Variants in CLIC5 observed in about 807,000 individuals in gnomAD.
CLIC5 encodes CLIC family member 5.
Under a neutral mutation model 24.7 loss-of-function variants are expected in CLIC5, and 20 were observed. The observed-to-expected ratio is 0.81, with a 90% CI of 0.57 to 1.18. The LOEUF (loss-of-function observed/expected upper bound fraction) is 1.18. CLIC5 is among the 50% of genes most tolerant of loss of function. CLIC5 has a pLI of 0.00. For missense variants in CLIC5, 341 were observed against 326.1 expected (o/e 1.05, Z -0.35); for synonymous variants, 159 against 135.6 (o/e 1.17, Z -1.20).
chr6:46,084,634 G>A (rs1400826816), upstream of CLIC5, among the ~76,000 whole-genome samples: 99 of 152,150 alleles, frequency 6.5e-4, 1 homozygote, highest in Admixed American at 6.2e-3. Flanking sequence ...AGTTTCTGCC[G>A]AGAGATCCGC....
At chr6:45,969,657 GA>G (rs1765130615) in intron 1 of CLIC5, among the ~76,000 whole-genome samples, 1 of 152,098 alleles carries the variant, frequency 6.6e-6, no homozygotes, top group African/African-American at 2.4e-5. Context: ...GAATCCTTTG[GA>G]AAGTCATCTT....
downstream of CLIC5, among the ~76,000 whole-genome samples, chr6:45,898,194 TC>T (rs1762423787): frequency 6.6e-6 from 1 of 152,136 alleles, no homozygotes; most frequent in African/African-American, 2.4e-5. Context: ...TGCCTCAGCC[TC>T]CAAAGTAGCT....
upstream of CLIC5, among the ~76,000 whole-genome samples, chr6:46,083,728 G>C (rs1188576070): frequency 2.0e-5 from 3 of 152,046 alleles, no homozygotes; most frequent in Non-Finnish European, 4.4e-5. Context: ...GTGTGGTGTG[G>C]TGCTGAAAAA....
chr6:45,958,126 C>T (rs1363915443), intron 1 of CLIC5, among the ~76,000 whole-genome samples: 1 of 152,030 alleles, frequency 6.6e-6, no homozygotes, highest in African/African-American at 2.4e-5. Context: ...GGGCTCTAAA[C>T]ATGACTGATG....
chr6:45,943,733 A>G (rs1764205687), intron 3 of CLIC5, among the ~76,000 whole-genome samples: 1 of 152,176 alleles, frequency 6.6e-6, no homozygotes. Flanking sequence ...GGTTGGGCCA[A>G]ACAGGGATGT....
chr6:45,933,294 C>G (rs578136864), intron 4 of CLIC5, among the ~76,000 whole-genome samples: 1 of 152,290 alleles, frequency 6.6e-6, no homozygotes, highest in South Asian at 2.1e-4. Context: ...CACGTTTGAG[C>G]TTGGATTGGA....
At chr6:46,127,497 G>A in the CLIC5 span, among the ~76,000 whole-genome samples, 9 of 152,086 alleles carry the variant, frequency 5.9e-5, no homozygotes, top group African/African-American at 2.2e-4. Flanking sequence ...AAGCTGAGCT[G>A]AAAGAACATT....
chr6:45,941,452 G>C (rs1764126895), intron 4 of CLIC5, 95 bp downstream of exon 4: 2 of 949,552 alleles, frequency 2.1e-6, no homozygotes, highest in Non-Finnish European at 3.5e-6. Context: ...TGCTTCTCTG[G>C]CCCAAGTATT....
chr6:46,037,026 CT>C (rs1767682321), intron 1 of CLIC5, among the ~76,000 whole-genome samples: 1 of 151,684 alleles, frequency 6.6e-6, no homozygotes, highest in Non-Finnish European at 1.5e-5. Context: ...TTTTTTCATC[CT>C]TAGTTTAACA....
At chr6:46,079,682 C>A in intron 1 of CLIC5, 2 of 1,540,782 alleles carry the variant, frequency 1.3e-6, no homozygotes, top group Non-Finnish European at 1.8e-6. Flanking sequence ...ACAGGGTATG[C>A]CTGTCAGAGG....
chr6:46,044,985 T>C (rs1279662571), intron 1 of CLIC5, among the ~76,000 whole-genome samples: 1 of 152,188 alleles, frequency 6.6e-6, no homozygotes, highest in East Asian at 1.9e-4. Context: ...CAGAAGCGGC[T>C]GGCATCTAGC....
chr6:45,957,066 G>A (rs554696992), intron 1 of CLIC5, among the ~76,000 whole-genome samples: 1 of 152,120 alleles, frequency 6.6e-6, no homozygotes, highest in South Asian at 2.1e-4. Context: ...ATTTCCCCAG[G>A]GCCAGTTATG....
chr6:45,941,721 C>G, intron 3 of CLIC5, 68 bp from the exon 4 acceptor site: 1 of 1,176,926 alleles, frequency 8.5e-7, no homozygotes, highest in Non-Finnish European at 1.3e-6. Context: ...GAGCCTATCC[C>G]TATCATGATA....
chr6:45,929,996 G>A (rs1467490780), intron 4 of CLIC5, among the ~76,000 whole-genome samples: 10 of 152,194 alleles, frequency 6.6e-5, no homozygotes, highest in African/African-American at 1.4e-4. Context: ...GGGGCTGGGG[G>A]CTGGGAGGGA....
the CLIC5 span, among the ~76,000 whole-genome samples, chr6:46,108,011 G>A: frequency 1.1e-5 from 1 of 90,976 alleles, no homozygotes; most frequent in Non-Finnish European, 2.2e-5. Flanking sequence ...TCCAGCCAGG[G>A]CAACAAGAGC....
the CLIC5 span, among the ~76,000 whole-genome samples, chr6:46,124,079 C>T: frequency 6.6e-6 from 1 of 152,176 alleles, no homozygotes; most frequent in African/African-American, 2.4e-5. Context: ...TTGGAAAAAA[C>T]TACTTTAAAG....
upstream of CLIC5, among the ~76,000 whole-genome samples, chr6:46,080,897 G>T (rs912222814): frequency 6.6e-6 from 1 of 152,174 alleles, no homozygotes; most frequent in African/African-American, 2.4e-5. Context: ...CATCAGTATA[G>T]ACCACCCAAA....
chr6:46,040,374 G>C (rs1181029637), intron 1 of CLIC5, among the ~76,000 whole-genome samples: 2 of 152,156 alleles, frequency 1.3e-5, no homozygotes, highest in East Asian at 1.9e-4. Context: ...GAGGTGATGG[G>C]AATGATGGTG....
At chr6:46,046,917 A>G (rs1206552269) in intron 1 of CLIC5, among the ~76,000 whole-genome samples, 2 of 152,194 alleles carry the variant, frequency 1.3e-5, no homozygotes, top group African/African-American at 4.8e-5. Context: ...GTATAGGAAG[A>G]AGCTTGGAAT....
Sources: gnomAD v4.1 joint callset for allele counts (sites outside exome capture counted in the v4.1 genomes callset) on GRCh38, gnomAD v4.1.1 for gene constraint, MANE v1.5 for transcripts, NCBI Gene and HGNC (gene_info 2026-07-23, HGNC 2026-07-21) for gene names.